The following SCN7A variants were observed in gnomAD, a reference collection of about 807,000 sequenced individuals.
SCN7A encodes sodium voltage-gated channel alpha subunit 7, also known as sodium channel protein type 7 subunit alpha.
A neutral mutation model predicts 155.2 loss-of-function variants in SCN7A; 138 were observed. The ratio of observed to expected loss-of-function variants is 0.89; its 90% CI spans 0.77 to 1.02. The LOEUF is 1.02. SCN7A is among the 50% of genes least tolerant of loss of function. SCN7A has a pLI of 0.00. For synonymous variants in SCN7A, 693 were observed against 649.0 expected, an observed-to-expected ratio of 1.07 and a Z score of -1.03; for missense variants, 2,058 against 1,986.6, an observed-to-expected ratio of 1.04 and a Z score of -0.68.
chr2:166,470,713 A>G lies in SCN7A; in HGVS notation c.573-7T>C. ...TGAGTATCTTATAATAACCCTGTGG[A>G]ATTAAATTAGAGTTACTTAAAAGTC... On this transcript the variant is annotated splice_region_variant and splice_polypyrimidine_tract_variant and intron_variant, in intron 6 of 25. Coordinates refer to ENST00000643258, the MANE Select transcript of SCN7A (RefSeq NM_002976.4). 2 of 1,591,784 alleles carry G rather than the reference A, an allele frequency of 1.3e-6. No individual in the cohort carries two copies. Among genetic ancestry groups the G allele is most frequent in the Non-Finnish European group, 1.7e-6 (2 of 1,168,222 alleles).
rs1221838728 is a variant in SCN7A, at chr2:166,462,542, A to C, written c.942-12T>G. 1.2e-6 allele frequency: 2 copies of C among 1,611,304 alleles called. No individual in the cohort carries two copies. Among genetic ancestry groups the C allele is most frequent in the Non-Finnish European group, 1.7e-6 (2 of 1,179,038 alleles). On this transcript the variant is annotated splice_polypyrimidine_tract_variant and intron_variant, in intron 9 of 25. Transcript: ENST00000643258. ...CTTCAGGACACTGACTAAAGAAGACAAAGAAAAAAACCTGCTTACTATTAG... is the reference window on the plus strand; with the variant it reads ...CTTCAGGACACTGACTAAAGAAGACCAAGAAAAAAACCTGCTTACTATTAG...
intron 25 of SCN7A, among the ~76,000 whole-genome samples, chr2:166,409,419 A>T (rs1421695796): frequency 1.3e-5 from 2 of 151,966 alleles, no homozygotes; most frequent in Non-Finnish European, 2.9e-5. Context: ...GGTGGCTTGT[A>T]TGCAAAGTCT....
chr2:166,465,138 CT>C (rs1483181575), intron 9 of SCN7A, among the ~76,000 whole-genome samples: 1 of 152,194 alleles, frequency 6.6e-6, no homozygotes, highest in Non-Finnish European at 1.5e-5. Context: ...CTGGCCTCGT[CT>C]GCTATGTGAG....
intron 18 of SCN7A, among the ~76,000 whole-genome samples, chr2:166,424,943 A>G (rs987388499): frequency 6.6e-6 from 1 of 151,992 alleles, no homozygotes; most frequent in African/African-American, 2.4e-5. Context: ...GTGTTGCTTG[A>G]TAACACACAA....
chr2:166,485,935 C>T (rs1703036699), intron 2 of SCN7A, among the ~76,000 whole-genome samples: 1 of 152,158 alleles, frequency 6.6e-6, no homozygotes, highest in African/African-American at 2.4e-5. Context: ...AAATTCCTGG[C>T]TAGTGGCCAC....
chr2:166,429,033 T>C, intron 17 of SCN7A, 136 bp downstream of exon 17: 1 of 565,832 alleles, frequency 1.8e-6, no homozygotes, highest in Non-Finnish European at 3.0e-6. Flanking sequence ...ATGGTGACAC[T>C]TGTACATTTA....
At chr2:166,477,353 T>C (rs1342093423) in intron 3 of SCN7A, 110 bp downstream of exon 3, 1 of 770,962 alleles carries the variant, frequency 1.3e-6, no homozygotes, top group Non-Finnish European at 2.0e-6. Flanking sequence ...TAAAATCAGA[T>C]CTTTCCCTGT....
intron 2 of SCN7A, among the ~76,000 whole-genome samples, chr2:166,485,642 G>C (rs1402762737): frequency 6.6e-6 from 1 of 152,038 alleles, no homozygotes; most frequent in African/African-American, 2.4e-5. Context: ...AAAAAGTAAA[G>C]CTGGTTCTGC....
chr2:166,475,093 C>CGTATATATGTATATATATATATATATAT lies in SCN7A; in HGVS notation c.235-750_235-749insATATATATATATATATATACATATATAC, dbSNP rs1193173809. Reference sequence around the variant, plus strand: ...TTTTATATTTGTGTATATATATATACACATATATATGTATATATATATATA... The same window carrying CGTATATATGTATATATATATATATATAT: ...TTTTATATTTGTGTATATATATATACGTATATATGTATATATATATATATATATACATATATATGTATATATATATATA... On this transcript the variant is annotated intron_variant, in intron 3 of 25. Coordinates refer to ENST00000643258, the MANE Select transcript of SCN7A (RefSeq NM_002976.4). 5.3e-3 allele frequency among the ~76,000 whole-genome samples: 687 copies of CGTATATATGTATATATATATATATATAT among 129,490 alleles called. 22 individuals carry two copies. The highest frequency in any genetic ancestry group is 0.018 in the African/African-American group (643 of 35,090). 85.0% of individuals were successfully genotyped at this position (129,490 alleles called of 152,430 possible). A position where few individuals can be genotyped will look rare whatever the true frequency, so the allele number is the denominator to read the frequency against.
intron 7 of SCN7A, among the ~76,000 whole-genome samples, chr2:166,469,176 C>T (rs1702600129): frequency 6.6e-6 from 1 of 151,060 alleles, no homozygotes; most frequent in African/African-American, 2.4e-5. Context: ...GTTTTTTCTC[C>T]TTCATTAATC....
chr2:166,458,339 A>G (rs1246613144), intron 10 of SCN7A, among the ~76,000 whole-genome samples: 1 of 151,910 alleles, frequency 6.6e-6, no homozygotes, highest in Non-Finnish European at 1.5e-5. Flanking sequence ...AAAAAAAAAA[A>G]AAAAGTACCC....
rs1471729433 is a variant in SCN7A at position 166,444,964 on chromosome 2, C to T, written c.1424G>A (p.Trp475Ter). 2 of 1,611,962 alleles carry T rather than the reference C, an allele frequency of 1.2e-6. No homozygotes were observed. Among genetic ancestry groups the T allele is most frequent in the African/African-American group, 2.7e-5 (2 of 74,830 alleles). ...EKSKKICPLYWYKFAKTFLIW... is the reference protein window; with the variant it reads ...EKSKKICPLY ...CAAGAAAGTTTTAGCAAACTTATACCAGTATAATGGGCATATCTTCTTGGA... is the reference window on the plus strand; with the variant it reads ...CAAGAAAGTTTTAGCAAACTTATACTAGTATAATGGGCATATCTTCTTGGA... Residue 475 changes from tryptophan to a stop codon, truncating the protein, a stop_gained, in exon 13 of 26, where the codon TGG becomes TAG. Transcript: ENST00000643258. LOFTEE classifies it high-confidence loss of function.
At chr2:166,457,146 A>G (rs1391529582) in intron 10 of SCN7A, 70 bp from the exon 11 acceptor site, 4 of 1,124,630 alleles carry the variant, frequency 3.6e-6, no homozygotes, top group African/African-American at 1.6e-5. Flanking sequence ...CCTATTTTAA[A>G]ATAAAAGGCA....
chr2:166,466,221 T>A (rs1484649244), intron 7 of SCN7A, among the ~76,000 whole-genome samples: 1 of 152,160 alleles, frequency 6.6e-6, no homozygotes, highest in African/African-American at 2.4e-5. Flanking sequence ...CTATTTAAAA[T>A]TAATCATTTG....
intron 25 of SCN7A, among the ~76,000 whole-genome samples, chr2:166,408,334 C>T (rs1452164008): frequency 1.3e-5 from 2 of 151,984 alleles, no homozygotes; most frequent in Non-Finnish European, 1.5e-5. Context: ...CACCTTAGCA[C>T]CTACCATCAA....
rs775048396 is a variant in SCN7A at position 166,432,360 on chromosome 2, A to G, written c.2550T>C (p.Asn850=). The change falls in exon 16 of 26, where the codon AAT becomes AAC. Residue 850 remains asparagine (N), a synonymous_variant. Coordinates refer to ENST00000643258, the MANE Select transcript of SCN7A (RefSeq NM_002976.4). ...SGESDIENLD[N]KEIQSKSGDG... is the part of the protein sequence containing the mutation. Reference sequence around the variant, plus strand: ...CACCAGACTTACTCTGAATCTCCTTATTATCCAGATTTTCTATATCAGATT... The same window carrying G: ...CACCAGACTTACTCTGAATCTCCTTGTTATCCAGATTTTCTATATCAGATT... 9.3e-6 allele frequency: 15 copies of G among 1,612,444 alleles called. No individual in the cohort carries two copies. Among genetic ancestry groups the G allele is most frequent in the Non-Finnish European group, 1.3e-5 (15 of 1,179,270 alleles).
chr2:166,406,450 G>C lies in SCN7A; in HGVS notation c.4179C>G (p.Ile1393Met). 6.2e-7 allele frequency: 1 copy of C among 1,612,916 alleles called. No homozygotes were observed. Among genetic ancestry groups the C allele is most frequent in the Non-Finnish European group, 8.5e-7 (1 of 1,179,354 alleles). The change falls in exon 26 of 26, where the codon ATC becomes ATG. Residue 1393 changes from isoleucine (I) to methionine (M), a missense_variant. Physicochemically the swap from Ile to Met is conservative, Grantham distance 10. Transcript: ENST00000643258. ...IILLIFLVMF[I>M]YAVFGMYNFA... ...AATTATACATTCCAAATACGGCATA[G>C]ATGAACATGACCAGGAAGATGAGAA...
chr2:166,455,049 T>A (rs1702246156), intron 11 of SCN7A, among the ~76,000 whole-genome samples: 1 of 152,210 alleles, frequency 6.6e-6, no homozygotes, highest in African/African-American at 2.4e-5. Context: ...TTCCCTGTAC[T>A]ATGATACATA....
At position 166,416,709 on chromosome 2, in the gene SCN7A, C is replaced by T. The variant is rs1168366822; in HGVS notation, c.3412G>A (p.Val1138Ile). The change falls in exon 21 of 26, where the codon GTA (valine) becomes ATA (isoleucine). Residue 1138 changes from valine (V) to isoleucine (I), a missense_variant and splice_region_variant. Physicochemically the swap from Val to Ile is conservative, Grantham distance 29. Transcript: ENST00000643258. ...VGNGFLSLLQ[V>I]ATFNGWITIM... Reference sequence around the variant, plus strand: ...GGAAAAGTCAAAAGTGTACTTACTACTTGAAGCAGAGAAAGGAAACCATTT... The same window carrying T: ...GGAAAAGTCAAAAGTGTACTTACTATTTGAAGCAGAGAAAGGAAACCATTT... 6.2e-7 allele frequency: 1 copy of T among 1,601,494 alleles called. No homozygotes were observed. The highest frequency in any genetic ancestry group is 2.3e-5 in the East Asian group (1 of 44,418).
Sources: allele counts gnomAD v4.1 joint callset (sites outside exome capture counted in the v4.1 genomes callset), GRCh38; gene constraint gnomAD v4.1.1; transcripts MANE v1.5; gene names NCBI Gene and HGNC (gene_info 2026-07-23, HGNC 2026-07-21).